The following COG6 variants were observed in gnomAD, a reference collection of about 807,000 sequenced individuals.
COG6 encodes the protein component of oligomeric golgi complex 6.
COG6 carries 74 observed loss-of-function variants against 88.8 expected under a neutral mutation model. The observed-to-expected ratio is 0.83, with a 90% CI of 0.69 to 1.01. The LOEUF is 1.01. COG6 is among the 50% of genes least tolerant of loss of function. The pLI, the probability that COG6 is intolerant of heterozygous loss-of-function variation, is 0.00. For missense variants in COG6, 800 were observed against 797.9 expected (o/e 1.00, Z -0.03); for synonymous variants, 286 against 278.7 (o/e 1.03, Z -0.26).
chr13:39,690,708 A>G (rs747025433), intron 11 of COG6, among the ~76,000 whole-genome samples: 2 of 151,988 alleles, frequency 1.3e-5, no homozygotes, highest in Non-Finnish European at 2.9e-5. Flanking sequence ...AGGAAATCTC[A>G]GATGACACAC....
intron 12 of COG6, 107 bp from the exon 13 acceptor site, chr13:39,699,394 A>T: frequency 1.6e-6 from 1 of 612,590 alleles, no homozygotes. Flanking sequence ...TATATTTTAC[A>T]TAAAAACTTT....
intron 18 of COG6, among the ~76,000 whole-genome samples, chr13:39,738,250 T>A (rs1416719044): frequency 6.6e-6 from 1 of 152,132 alleles, no homozygotes; most frequent in Middle Eastern, 3.2e-3. Context: ...TGTGGAATTT[T>A]AAACACATAA....
At chr13:39,755,330 C>T (rs1237782124), downstream of COG6, among the ~76,000 whole-genome samples, 2 of 152,066 alleles carry the variant, frequency 1.3e-5, no homozygotes, top group Non-Finnish European at 2.9e-5. Flanking sequence ...GCAGAATGGA[C>T]CTTATTTGCA....
rs138813413 is a variant in COG6 at position 39,723,244 on chromosome 13, C to T, written c.1585-89C>T. The T allele has an allele frequency of 7.9e-4, 615 of 776,888 alleles. 2 individuals are homozygous for T. The African/African-American group carries it at 9.5e-3, about 12-fold the overall frequency. The allele number at this position is 776,888 out of a possible 1,614,324, so 48.1% of individuals were successfully genotyped here. ...CTTTGTTACAGAGGTGATCCCTGTG[C>T]CTCATCATCAGTGCCAATGCAAGGC... is the stretch of plus-strand genomic sequence containing the variant. On this transcript the variant is annotated intron_variant, in intron 15 of 18. Transcript: ENST00000455146.
At chr13:39,668,944 A>G (rs944818981) in intron 4 of COG6, among the ~76,000 whole-genome samples, 2 of 152,154 alleles carry the variant, frequency 1.3e-5, no homozygotes, top group African/African-American at 2.4e-5. Context: ...CAGATTTTGC[A>G]GTTTTACTCG....
chr13:39,719,201 A>G, intron 13 of COG6, 35 bp from the exon 14 acceptor site: 1 of 1,607,628 alleles, frequency 6.2e-7, no homozygotes, highest in African/African-American at 1.3e-5. Context: ...TAGTGGAAAA[A>G]ATATAAGGAG....
Position 39,669,611 on chromosome 13 carries a change from A to G in COG6, c.428+4457A>G, listed in dbSNP as rs569744348. On this transcript the variant is annotated intron_variant, in intron 4 of 18. Coordinates refer to ENST00000455146, the MANE Select transcript of COG6 (RefSeq NM_020751.3). ...GTAAATGAATATGGAAAGCAACTAT[A>G]ATGTTAGGAAAGGAACATAAAACTG... Among the ~76,000 whole-genome samples, 215 of 152,336 alleles carry G rather than the reference A, an allele frequency of 1.4e-3. 1 individual carries two copies. Among genetic ancestry groups the G allele is most frequent in the Admixed American group, 4.4e-3 (67 of 15,300 alleles).
chr13:39,714,874 A>G (rs1361210235), intron 13 of COG6, among the ~76,000 whole-genome samples: 2 of 152,214 alleles, frequency 1.3e-5, no homozygotes, highest in African/African-American at 2.4e-5. Flanking sequence ...CTAAGTGCCC[A>G]TCAACTAATC....
chr13:39,731,283 A>G (rs1879437062), intron 18 of COG6, among the ~76,000 whole-genome samples: 1 of 152,130 alleles, frequency 6.6e-6, no homozygotes, highest in Non-Finnish European at 1.5e-5. Flanking sequence ...CTTTCAAAGG[A>G]GATTTTGATT....
chr13:39,730,420 G>T (rs944105632), intron 18 of COG6, among the ~76,000 whole-genome samples: 11 of 151,964 alleles, frequency 7.2e-5, no homozygotes, highest in African/African-American at 2.7e-4. Context: ...TATAAATTTA[G>T]CTACTTATTT....
At chr13:39,660,740 T>C (rs982780738) in intron 2 of COG6, 70 bp from the exon 3 acceptor site, 6 of 1,022,016 alleles carry the variant, frequency 5.9e-6, no homozygotes, top group Non-Finnish European at 9.3e-6. Context: ...AAAATAAGGA[T>C]TTAGCTAACA....
At chr13:39,775,832 C>T (rs780020388) in intron 18 of COG6, among the ~76,000 whole-genome samples, 5 of 150,156 alleles carry the variant, frequency 3.3e-5, no homozygotes, top group African/African-American at 7.4e-5. Flanking sequence ...TGCAATGGTG[C>T]GATCTCGGCT....
intron 8 of COG6, 148 bp downstream of exon 8, chr13:39,682,412 G>A: frequency 4.9e-6 from 3 of 613,342 alleles, no homozygotes; most frequent in Non-Finnish European, 8.8e-6. Context: ...ACTTGAATTT[G>A]TTTCATGGGG....
Position 39,752,084 on chromosome 13 carries a change from T to A in COG6, c.*991T>A. 7.8e-7 allele frequency: 1 copy of A among 1,285,422 alleles called. No individual in the cohort carries two copies. The highest frequency in any genetic ancestry group is 1.0e-6 in the Non-Finnish European group (1 of 987,470). 79.6% of individuals were successfully genotyped at this position (1,285,422 alleles called of 1,614,324 possible). On this transcript the variant is annotated 3_prime_UTR_variant, in exon 19 of 19. Coordinates refer to ENST00000455146, the MANE Select transcript of COG6 (RefSeq NM_020751.3). ...TTTAGACCATTACCTATTAGGAAGA[T>A]TAAAAATGACTGTATTTTTAAAGGA...
intron 14 of COG6, 48 bp from the exon 15 acceptor site, chr13:39,719,612 C>G: frequency 6.5e-7 from 1 of 1,531,398 alleles, no homozygotes. Flanking sequence ...ACCCAAGACC[C>G]TATCAGTGAT....
intron 18 of COG6, among the ~76,000 whole-genome samples, chr13:39,786,047 G>A (rs1197314195): frequency 6.6e-6 from 1 of 152,112 alleles, no homozygotes; most frequent in Non-Finnish European, 1.5e-5. Flanking sequence ...TACATCCCTG[G>A]CTCAGGAAAT....
At chr13:39,675,252 G>T (rs1182687086) in intron 4 of COG6, among the ~76,000 whole-genome samples, 2 of 152,106 alleles carry the variant, frequency 1.3e-5, no homozygotes, top group Admixed American at 6.6e-5. Flanking sequence ...TAAGGACAAG[G>T]TCTGTGTCAT....
chr13:39,724,658 T>C, intron 17 of COG6, 97 bp downstream of exon 17: 1 of 898,918 alleles, frequency 1.1e-6, no homozygotes, highest in Admixed American at 1.8e-5. Context: ...TGACACTTTT[T>C]ATCTCTTGAC....
chr13:39,707,490 G>A (rs1469161741), intron 13 of COG6, among the ~76,000 whole-genome samples: 3 of 152,138 alleles, frequency 2.0e-5, no homozygotes, highest in East Asian at 1.9e-4. Context: ...TTGAATGTTT[G>A]TATTTGCATA....
Sources: gnomAD v4.1 joint callset for allele counts (sites outside exome capture counted in the v4.1 genomes callset) on GRCh38, gnomAD v4.1.1 for gene constraint, MANE v1.5 for transcripts, NCBI Gene and HGNC (gene_info 2026-07-23, HGNC 2026-07-21) for gene names.